The following CAAP1 variants were observed in gnomAD, a reference collection of about 807,000 sequenced individuals.
CAAP1 encodes the protein caspase activity and apoptosis inhibitor 1, also known as conserved anti-apoptotic protein.
A neutral mutation model predicts 34.0 loss-of-function variants in CAAP1; 20 were observed. The observed-to-expected ratio is 0.59, with a 90% CI of 0.41 to 0.86. CAAP1 has a LOEUF of 0.86. Ranked by LOEUF, CAAP1 falls within the 40% of genes least tolerant of loss-of-function variation. CAAP1 has a pLI of 0.00. For synonymous variants in CAAP1, 213 were observed against 166.7 expected (o/e 1.28, Z -2.14); for missense variants, 538 against 450.5 (o/e 1.19, Z -1.76).
chr9:26,871,476 C>CTGAG (rs936352438), intron 4 of CAAP1, among the ~76,000 whole-genome samples: 1 of 151,304 alleles, frequency 6.6e-6, no homozygotes, highest in Admixed American at 6.6e-5. Context: ...ACTCAGGAGG[C>CTGAG]TGAGGCAGGA....
chr9:26,889,479 T>C (rs552190763), intron 1 of CAAP1, among the ~76,000 whole-genome samples: 3 of 152,086 alleles, frequency 2.0e-5, no homozygotes, highest in African/African-American at 4.8e-5. Flanking sequence ...TCTGAATATA[T>C]ACAAAATCAC....
intron 5 of CAAP1, among the ~76,000 whole-genome samples, chr9:26,857,858 G>A (rs144555348): frequency 3.2e-4 from 48 of 151,038 alleles, no homozygotes; most frequent in African/African-American, 8.0e-4. Flanking sequence ...CAACAAAGAT[G>A]AATGAAACCA....
intron 4 of CAAP1, among the ~76,000 whole-genome samples, chr9:26,880,865 C>T (rs1296290786): frequency 6.6e-6 from 1 of 151,810 alleles, no homozygotes. Flanking sequence ...TAGTGGAGAC[C>T]GGGTTTCATC....
chr9:26,863,315 C>T (rs541183533), intron 4 of CAAP1, among the ~76,000 whole-genome samples: 3 of 152,122 alleles, frequency 2.0e-5, no homozygotes, highest in Non-Finnish European at 4.4e-5. Context: ...TAGATGCTGT[C>T]AGTATTACCT....
Position 26,892,541 on chromosome 9 carries a change from T to C in CAAP1, c.175A>G (p.Asn59Asp). The stretch of plus-strand genomic sequence containing the variant: ...CCGCCGGTGACACTTCCACTAAAAT[T>C]GGCGTTCCCACAGCAGCTGACGCTC... ...CGSVSCCGNA[N>D]FSGSVTGGGS... The change falls in exon 1 of 6, where the codon AAT becomes GAT. Residue 59 changes from asparagine (N) to aspartate (D), a missense_variant. Coordinates refer to ENST00000333916, the MANE Select transcript of CAAP1 (RefSeq NM_024828.4). The C allele has an allele frequency of 6.3e-7, 1 of 1,578,058 alleles. No individual in the cohort carries two copies. Among genetic ancestry groups the C allele is most frequent in the East Asian group, 2.3e-5 (1 of 42,776 alleles).
At chr9:26,870,611 T>C (rs1288629593) in intron 4 of CAAP1, among the ~76,000 whole-genome samples, 2 of 144,976 alleles carry the variant, frequency 1.4e-5, no homozygotes, top group Non-Finnish European at 3.0e-5. Flanking sequence ...TGTGTGTGTG[T>C]ATACATATAT....
Position 26,854,449 on chromosome 9 carries a change from A to G in CAAP1, c.739+6617T>C, listed in dbSNP as rs565563090. ...AGAACTTAACAGATTCAAAATAACC[A>G]CAGAAGCTTCACAAATTAGGATGCT... is the stretch of plus-strand genomic sequence containing the variant. On this transcript the variant is annotated intron_variant, in intron 5 of 5. Coordinates refer to ENST00000333916, the MANE Select transcript of CAAP1 (RefSeq NM_024828.4). 2.4e-4 allele frequency among the ~76,000 whole-genome samples: 36 copies of G among 152,248 alleles called. No individual in the cohort carries two copies. The South Asian group carries it at 7.0e-3, about 30-fold the overall frequency.
intron 5 of CAAP1, among the ~76,000 whole-genome samples, chr9:26,843,403 A>G (rs1326762669): frequency 1.3e-5 from 2 of 152,202 alleles, no homozygotes; most frequent in Admixed American, 1.3e-4. Flanking sequence ...GCAACTTTGA[A>G]TACTCACTTA....
At chr9:26,872,688 C>T (rs1364744279) in intron 4 of CAAP1, among the ~76,000 whole-genome samples, 3 of 151,794 alleles carry the variant, frequency 2.0e-5, no homozygotes, top group Admixed American at 2.0e-4. Flanking sequence ...TCCCAAAGTG[C>T]TCAGATTACA....
chr9:26,843,872 A>C (rs1822536783), intron 5 of CAAP1, among the ~76,000 whole-genome samples: 1 of 152,198 alleles, frequency 6.6e-6, no homozygotes. Flanking sequence ...TAAAACAAAA[A>C]ATTATTTTTG....
intron 5 of CAAP1, among the ~76,000 whole-genome samples, chr9:26,843,540 G>A (rs543834757): frequency 1.3e-4 from 19 of 150,850 alleles, no homozygotes; most frequent in Non-Finnish European, 1.8e-4. Flanking sequence ...ACAATGTGCA[G>A]GTTAGTTACA....
At chr9:26,887,234 G>C (rs963805379) in intron 2 of CAAP1, 79 bp downstream of exon 2, 8 of 885,166 alleles carry the variant, frequency 9.0e-6, no homozygotes, top group Non-Finnish European at 1.3e-5. Context: ...AAACAAAACC[G>C]CATTAAGTAA....
chr9:26,858,138 TA>T (rs1257754643), intron 5 of CAAP1, among the ~76,000 whole-genome samples: 1 of 152,216 alleles, frequency 6.6e-6, no homozygotes, highest in Non-Finnish European at 1.5e-5. Flanking sequence ...GTCAAGCCAT[TA>T]AAATGACAAT....
intron 1 of CAAP1, chr9:26,892,190 A>C (rs1185058492): frequency 1.5e-6 from 2 of 1,293,020 alleles, no homozygotes; most frequent in South Asian, 3.2e-5. Flanking sequence ...AAATTAAAAA[A>C]AAAGTGATCA....
intron 4 of CAAP1, among the ~76,000 whole-genome samples, chr9:26,876,562 A>C (rs1823437807): frequency 1.3e-5 from 2 of 149,350 alleles, no homozygotes; most frequent in Non-Finnish European, 3.0e-5. Flanking sequence ...CAGGTGTATC[A>C]TTTATTGTAC....
chr9:26,858,984 G>A (rs182839135), intron 5 of CAAP1, among the ~76,000 whole-genome samples: 5 of 135,728 alleles, frequency 3.7e-5, no homozygotes, highest in South Asian at 4.7e-4. Flanking sequence ...GCAATAGAGC[G>A]AGAGACTGTC....
chr9:26,845,869 T>A (rs1017179573), intron 5 of CAAP1, among the ~76,000 whole-genome samples: 19 of 152,172 alleles, frequency 1.2e-4, no homozygotes, highest in African/African-American at 4.6e-4. Flanking sequence ...GTCCTTCATT[T>A]GTTTTAGCTA....
At chr9:26,846,074 T>C (rs112168567) in intron 5 of CAAP1, among the ~76,000 whole-genome samples, 6,489 of 152,124 alleles carry the variant, frequency 0.043, 470 homozygotes, top group African/African-American at 0.15. Context: ...TTAATTGCCA[T>C]GTTGTTTGTT....
At chr9:26,891,173 T>C (rs1417872891) in intron 1 of CAAP1, among the ~76,000 whole-genome samples, 2 of 152,174 alleles carry the variant, frequency 1.3e-5, no homozygotes, top group Non-Finnish European at 2.9e-5. Flanking sequence ...ATAAACTGTT[T>C]CTACTCTACC....
Sources: allele counts gnomAD v4.1 joint callset (sites outside exome capture counted in the v4.1 genomes callset), GRCh38; gene constraint gnomAD v4.1.1; transcripts MANE v1.5; gene names NCBI Gene and HGNC (gene_info 2026-07-23, HGNC 2026-07-21).